The following RXFP2 variants were observed in gnomAD, a reference collection of about 807,000 sequenced individuals.
The protein encoded by RXFP2 is relaxin family peptide receptor 2, also known as relaxin receptor 2.
RXFP2 carries 68 observed loss-of-function variants against 88.6 expected under a neutral mutation model. That is an observed-to-expected ratio of 0.77 (90% CI 0.63 to 0.94). The LOEUF is 0.94. Ranked by LOEUF, RXFP2 falls within the 40% of genes least tolerant of loss-of-function variation. RXFP2 has a pLI of 0.00. For synonymous variants in RXFP2, 329 were observed against 306.8 expected (o/e 1.07, Z -0.76); for missense variants, 791 against 893.9 (o/e 0.88, Z 1.47).
chr13:31,770,581 T>G (rs1872699577), intron 5 of RXFP2, among the ~76,000 whole-genome samples: 1 of 152,310 alleles, frequency 6.6e-6, no homozygotes, highest in African/African-American at 2.4e-5. Flanking sequence ...CAGTTGTTCC[T>G]TTTATATTAT....
At chr13:31,761,542 T>G (rs890118384) in intron 2 of RXFP2, among the ~76,000 whole-genome samples, 182 bp from the exon 3 acceptor site, 2 of 152,254 alleles carry the variant, frequency 1.3e-5, no homozygotes, top group Non-Finnish European at 2.9e-5. Context: ...GTATTTTTCA[T>G]GTAAAAAAGG....
At position 31,786,366 on chromosome 13, in the gene RXFP2, T is replaced by C. The variant is rs753251113; in HGVS notation, c.930-17T>C. ...ACTTCCAAAGTAATTGCTTTGGGTT[T>C]TCATTGTCGTCAACAGGGATCTGTC... On this transcript the variant is annotated splice_polypyrimidine_tract_variant and intron_variant, in intron 11 of 17. Transcript: ENST00000298386. 3 of 1,570,264 alleles carry C rather than the reference T, an allele frequency of 1.9e-6. No homozygotes were observed. The highest frequency in any genetic ancestry group is 1.8e-6 in the Non-Finnish European group (2 of 1,140,426).
At chr13:31,794,137 C>T (rs962354529) in intron 16 of RXFP2, among the ~76,000 whole-genome samples, 2 of 152,084 alleles carry the variant, frequency 1.3e-5, no homozygotes, top group African/African-American at 4.8e-5. Flanking sequence ...CCATCATGCC[C>T]AGTTCTTCTC....
At chr13:31,780,328 C>T (rs773563667) in intron 9 of RXFP2, among the ~76,000 whole-genome samples, 1 of 152,178 alleles carries the variant, frequency 6.6e-6, no homozygotes, top group African/African-American at 2.4e-5. Context: ...TCTCCTCTTC[C>T]GTTACTTGCT....
intron 17 of RXFP2, among the ~76,000 whole-genome samples, chr13:31,799,427 G>A (rs1874221563): frequency 6.6e-6 from 1 of 152,102 alleles, no homozygotes; most frequent in Non-Finnish European, 1.5e-5. Context: ...GGCCAGGCTG[G>A]TCTCGAACTC....
intron 10 of RXFP2, 126 bp downstream of exon 10, chr13:31,781,868 T>C: frequency 1.4e-6 from 1 of 707,886 alleles, no homozygotes; most frequent in Non-Finnish European, 2.5e-6. Context: ...ACTGCAGTGC[T>C]AGAAAATGCA....
intron 6 of RXFP2, among the ~76,000 whole-genome samples, chr13:31,775,050 T>C (rs1333385081): frequency 2.0e-5 from 3 of 152,222 alleles, no homozygotes; most frequent in Non-Finnish European, 4.4e-5. Flanking sequence ...ACTTAGTTAT[T>C]ATACCCTTAC....
chr13:31,790,371 C>G (rs1208424177), intron 14 of RXFP2, among the ~76,000 whole-genome samples: 1 of 152,112 alleles, frequency 6.6e-6, no homozygotes, highest in Non-Finnish European at 1.5e-5. Flanking sequence ...GTGCCAGGGA[C>G]TCCAGGGAAG....
At position 31,765,033 on chromosome 13, in the gene RXFP2, T is replaced by G; in HGVS notation, c.320-4T>G. On this transcript the variant is annotated splice_region_variant and splice_polypyrimidine_tract_variant and intron_variant, in intron 3 of 17. Transcript: ENST00000298386. The stretch of plus-strand genomic sequence containing the variant: ...GTGAAATCTTACTCTTTTTGTCCCA[T>G]TAGTTCTAAAACAGTATCCACAATG... 2 of 1,513,304 alleles carry G rather than the reference T, an allele frequency of 1.3e-6. No individual in the cohort carries two copies. The highest frequency in any genetic ancestry group is 1.8e-6 in the Non-Finnish European group (2 of 1,088,548). The allele number at this position is 1,513,304 out of a possible 1,614,324, so 93.7% of individuals were successfully genotyped here.
intron 3 of RXFP2, among the ~76,000 whole-genome samples, chr13:31,762,457 A>G (rs901936144): frequency 6.6e-6 from 1 of 152,202 alleles, no homozygotes; most frequent in African/African-American, 2.4e-5. Flanking sequence ...TGAGTGCATG[A>G]GGTGGAGGGG....
chr13:31,782,907 A>G (rs1873353928), intron 11 of RXFP2, among the ~76,000 whole-genome samples, 160 bp downstream of exon 11: 1 of 152,214 alleles, frequency 6.6e-6, no homozygotes, highest in Non-Finnish European at 1.5e-5. Flanking sequence ...TGAAGTCCAA[A>G]GCACATTCAA....
At position 31,784,683 on chromosome 13, in the gene RXFP2, C is replaced by T. The variant is rs1873444844; in HGVS notation, c.930-1700C>T. ...AGGACTTCAGACTTTGGTGTCATGA[C>T]AGCACCTCAAAAGCAACCCATTTGA... On this transcript the variant is annotated intron_variant, in intron 11 of 17. Transcript: ENST00000298386. Among the ~76,000 whole-genome samples, 4 of 152,152 alleles carry T rather than the reference C, an allele frequency of 2.6e-5. No homozygotes were observed. The South Asian group carries it at 8.3e-4, about 32-fold the overall frequency.
rs184902848 is a variant in RXFP2 at position 31,757,670 on chromosome 13, C to T, written c.95-588C>T. Reference sequence around the variant, plus strand: ...TTTCTGTTTCCAAGGGTGGATGACTCCTTGATTTCATACAAATCTAGGACA... The same window carrying T: ...TTTCTGTTTCCAAGGGTGGATGACTTCTTGATTTCATACAAATCTAGGACA... On this transcript the variant is annotated intron_variant, in intron 1 of 17. Transcript: ENST00000298386. Among the ~76,000 whole-genome samples, 440 of 152,316 alleles carry T rather than the reference C, an allele frequency of 2.9e-3. 2 individuals are homozygous for T. The highest frequency in any genetic ancestry group is 4.7e-3 in the Non-Finnish European group (320 of 68,026).
At chr13:31,794,552 T>A (rs1045784089) in intron 16 of RXFP2, among the ~76,000 whole-genome samples, 1 of 152,134 alleles carries the variant, frequency 6.6e-6, no homozygotes, top group South Asian at 2.1e-4. Context: ...CAAGTCAACA[T>A]GTCCTCACAT....
intron 5 of RXFP2, among the ~76,000 whole-genome samples, chr13:31,773,226 G>T (rs980905156): frequency 1.3e-5 from 2 of 152,198 alleles, no homozygotes; most frequent in Non-Finnish European, 2.9e-5. Context: ...GGGAATGGGG[G>T]TTAAGATGGC....
intron 10 of RXFP2, among the ~76,000 whole-genome samples, 164 bp from the exon 11 acceptor site, chr13:31,782,512 C>T (rs1393991451): frequency 6.6e-6 from 1 of 152,122 alleles, no homozygotes; most frequent in Non-Finnish European, 1.5e-5. Context: ...TGGGGATGTC[C>T]ACGGTGAAAA....
intron 1 of RXFP2, 147 bp from the exon 2 acceptor site, chr13:31,758,111 T>A (rs2138403044): frequency 1.2e-6 from 1 of 822,496 alleles, no homozygotes; most frequent in East Asian, 2.6e-5. Flanking sequence ...AATAAAGTTG[T>A]CATTGAGAAT....
chr13:31,772,641 CCTAAGT>C (rs1872774027), intron 5 of RXFP2, among the ~76,000 whole-genome samples: 1 of 152,176 alleles, frequency 6.6e-6, no homozygotes. Flanking sequence ...AGTTCAGCAG[CCTAAGT>C]CTGAGACATG....
At chr13:31,797,503 T>A (rs1874115034) in intron 17 of RXFP2, 84 bp downstream of exon 17, 1 of 964,324 alleles carries the variant, frequency 1.0e-6, no homozygotes, top group East Asian at 2.4e-5. Context: ...CTAGGACACA[T>A]AATAAATTAT....
Sources: allele counts gnomAD v4.1 joint callset (sites outside exome capture counted in the v4.1 genomes callset), GRCh38; gene constraint gnomAD v4.1.1; transcripts MANE v1.5; gene names NCBI Gene and HGNC (gene_info 2026-07-23, HGNC 2026-07-21).